The following PAXIP1 variants were observed in gnomAD, a reference collection of about 807,000 sequenced individuals.
The protein encoded by PAXIP1 is PAX interacting protein 1, also known as PAX-interacting protein 1.
A neutral mutation model predicts 140.6 loss-of-function variants in PAXIP1; 19 were observed. The ratio of observed to expected loss-of-function variants is 0.14; its 90% CI spans 0.09 to 0.20. The LOEUF (loss-of-function observed/expected upper bound fraction) is 0.20, where lower values mean the gene tolerates loss of function less well. PAXIP1 is among the 10% of genes least tolerant of loss of function. The pLI is 1.00. For synonymous variants in PAXIP1, 442 were observed against 444.6 expected (o/e 0.99, Z 0.07); for missense variants, 920 against 1,208.6 (o/e 0.76, Z 3.54).
intron 5 of PAXIP1, among the ~76,000 whole-genome samples, chr7:154,980,869 G>A (rs984605312): frequency 9.2e-5 from 14 of 152,170 alleles, no homozygotes; most frequent in African/African-American, 2.4e-4. Context: ...TGGTTCTCAC[G>A]TCTGTTATCC....
chr7:154,994,198 C>G (rs1377794019), intron 2 of PAXIP1, among the ~76,000 whole-genome samples: 1 of 151,998 alleles, frequency 6.6e-6, no homozygotes, highest in Non-Finnish European at 1.5e-5. Context: ...TTAGTGAAGT[C>G]AAGCAGATAC....
chr7:154,965,555 C>T (rs1442993551), intron 8 of PAXIP1: 1 of 152,274 alleles, frequency 6.6e-6, no homozygotes, highest in African/African-American at 2.4e-5. Context: ...AAGACCAGCC[C>T]CTCCTGTCCC....
Position 154,975,680 on chromosome 7 carries a change from GGAAA to G in PAXIP1, c.1074+12_1074+15del, listed in dbSNP as rs777871479. On this transcript the variant is annotated intron_variant, in intron 6 of 20. Transcript: ENST00000404141. ...AAGATCCAATACTGACATTTTTTTC[GGAAA>G]GAGTGACTTACATGTGCTACATTTG... 3.3e-6 allele frequency: 5 copies of G among 1,533,522 alleles called. No individual in the cohort carries two copies. The highest frequency in any genetic ancestry group is 2.8e-5 in the African/African-American group (2 of 72,406). 95.0% of individuals were successfully genotyped at this position (1,533,522 alleles called of 1,614,324 possible). A position where few individuals can be genotyped will look rare whatever the true frequency, so the allele number is the denominator to read the frequency against.
chr7:154,971,137 G>T lies in PAXIP1; in HGVS notation c.1075-2011C>A, dbSNP rs141378404. Among the ~76,000 whole-genome samples, 382 of 152,358 alleles carry T rather than the reference G, an allele frequency of 2.5e-3. 2 individuals are homozygous for T. The highest frequency in any genetic ancestry group is 8.6e-3 in the African/African-American group (359 of 41,574). On this transcript the variant is annotated intron_variant, in intron 6 of 20. Transcript: ENST00000404141. The stretch of plus-strand genomic sequence containing the variant: ...CCAAGAGGACTCAGCAGGGTCTGCT[G>T]CCTGCAGAAAGTGCTCCATCTGATC...
chr7:154,983,341 A>G lies in PAXIP1; in HGVS notation c.325-9T>C, dbSNP rs752537358. On this transcript the variant is annotated splice_polypyrimidine_tract_variant and intron_variant, in intron 4 of 20. Coordinates refer to ENST00000404141, the MANE Select transcript of PAXIP1 (RefSeq NM_007349.4). ...CTGTCTTCAGATGACACCTGACAGA[A>G]AGTTAGAAAGAAGGCTTTTACCATA... 3 of 1,416,822 alleles carry G rather than the reference A, an allele frequency of 2.1e-6. No homozygotes were observed. Among genetic ancestry groups the G allele is most frequent in the African/African-American group, 2.8e-5 (2 of 71,148 alleles). The allele number at this position is 1,416,822 out of a possible 1,614,324, so 87.8% of individuals were successfully genotyped here.
intron 2 of PAXIP1, among the ~76,000 whole-genome samples, chr7:154,995,617 A>G (rs1260838051): frequency 2.6e-5 from 4 of 152,254 alleles, no homozygotes; most frequent in South Asian, 4.1e-4. Flanking sequence ...TGGGAGGCCA[A>G]GGCGGGCGGA....
At chr7:154,947,019 T>TCACA (rs1464935361) in intron 17 of PAXIP1, 11 of 476,332 alleles carry the variant, frequency 2.3e-5, no homozygotes, top group African/African-American at 2.1e-4. Context: ...TTTTCACATG[T>TCACA]TAAGTATGCC....
At chr7:154,959,286 C>A (rs2150748724) in intron 13 of PAXIP1, among the ~76,000 whole-genome samples, 1 of 152,252 alleles carries the variant, frequency 6.6e-6, no homozygotes, top group Non-Finnish European at 1.5e-5. Context: ...AGAACATAAA[C>A]CAAAGCCTTT....
chr7:154,972,463 T>C (rs1182559655), intron 6 of PAXIP1, among the ~76,000 whole-genome samples: 3 of 152,324 alleles, frequency 2.0e-5, no homozygotes, highest in East Asian at 3.9e-4. Flanking sequence ...CACTCCAGCC[T>C]GGGCAACAGA....
At chr7:154,948,118 T>C in intron 16 of PAXIP1, 115 bp from the exon 17 acceptor site, 2 of 733,100 alleles carry the variant, frequency 2.7e-6, no homozygotes, top group East Asian at 2.5e-5. Flanking sequence ...TACATTTACC[T>C]GTACAGCCTT....
intron 3 of PAXIP1, 96 bp downstream of exon 3, chr7:154,993,630 G>T (rs1242163115): frequency 2.2e-6 from 2 of 916,984 alleles, no homozygotes; most frequent in Non-Finnish European, 1.7e-6. Context: ...CTGTCCTAAC[G>T]AATGAATCCA....
At position 154,945,949 on chromosome 7, in the gene PAXIP1, T is replaced by G. The variant is rs966708780; in HGVS notation, c.3194+416A>C. 49 of 985,118 alleles carry G rather than the reference T, an allele frequency of 5.0e-5. 1 individual carries two copies. In the African/African-American group the frequency reaches 8.2e-4, roughly 17 times the overall value. 61.0% of individuals were successfully genotyped at this position (985,118 alleles called of 1,614,324 possible). On this transcript the variant is annotated intron_variant, in intron 20 of 20. Coordinates refer to ENST00000404141, the MANE Select transcript of PAXIP1 (RefSeq NM_007349.4). ...TCATTCTGCCGCTTCCATTTAGTAG[T>G]AATTTATCTCCCATCCCAAAGTTCC...
chr7:154,979,963 A>T (rs1172149766), intron 5 of PAXIP1, among the ~76,000 whole-genome samples: 4 of 152,212 alleles, frequency 2.6e-5, no homozygotes, highest in Non-Finnish European at 4.4e-5. Context: ...TAACGCAGTG[A>T]CACTAAAGAA....
At chr7:155,002,248 G>A (rs1188822334) in intron 1 of PAXIP1, 1 of 152,368 alleles carries the variant, frequency 6.6e-6, no homozygotes, top group Non-Finnish European at 1.5e-5. Context: ...TCGTCCAAGT[G>A]GGAAAATCAA....
rs1233180860 is a variant in PAXIP1 at position 154,968,545 on chromosome 7, C to T, written c.1656G>A (p.Gln552=). 2 of 742,838 alleles carry T rather than the reference C, an allele frequency of 2.7e-6. No homozygotes were observed. Among genetic ancestry groups the T allele is most frequent in the African/African-American group, 1.7e-5 (1 of 57,606 alleles). 46.0% of individuals were successfully genotyped at this position (742,838 alleles called of 1,614,324 possible). Residue 552 remains glutamine (Q), a synonymous_variant, in exon 7 of 21, where the codon CAG becomes CAA. Transcript: ENST00000404141. ...QQQQQQQMQS[Q]TAPHLSQTSQ... ...ACGTCTGACTCAAGTGTGGCGCTGT[C>T]TGACTTTGCATCTGCTGCTGCTGCT...
At chr7:154,988,074 C>G (rs1031325421) in intron 4 of PAXIP1, among the ~76,000 whole-genome samples, 1 of 152,216 alleles carries the variant, frequency 6.6e-6, no homozygotes, top group African/African-American at 2.4e-5. Context: ...CTACTTTACC[C>G]AGTTCAAACT....
chr7:154,961,273 A>T (rs1235556972), intron 11 of PAXIP1, among the ~76,000 whole-genome samples, 196 bp from the exon 12 acceptor site: 3 of 152,216 alleles, frequency 2.0e-5, no homozygotes, highest in African/African-American at 7.2e-5. Flanking sequence ...TTACAAAACC[A>T]CTAAGGAGTC....
At chr7:154,949,246 T>C (rs564360995) in intron 16 of PAXIP1, 49 of 152,324 alleles carry the variant, frequency 3.2e-4, no homozygotes, top group African/African-American at 1.1e-3. Flanking sequence ...CTCCTGCATA[T>C]TCCTCTTCTC....
chr7:154,965,375 C>G (rs1808961549), intron 8 of PAXIP1: 1 of 152,298 alleles, frequency 6.6e-6, no homozygotes, highest in African/African-American at 2.4e-5. Context: ...GACCCACGAC[C>G]AAACTGAGAG....
Sources: allele counts gnomAD v4.1 joint callset (sites outside exome capture counted in the v4.1 genomes callset), GRCh38; gene constraint gnomAD v4.1.1; transcripts MANE v1.5; gene names NCBI Gene and HGNC (gene_info 2026-07-23, HGNC 2026-07-21).